Variants in OPCML observed in about 807,000 individuals in gnomAD.
OPCML encodes the protein opioid binding protein/cell adhesion molecule like.
A neutral mutation model predicts 37.8 loss-of-function variants in OPCML; 13 were observed. The observed-to-expected ratio is 0.34, with a 90% confidence interval of 0.22 to 0.55. The LOEUF (loss-of-function observed/expected upper bound fraction) is 0.55, where lower values mean the gene tolerates loss of function less well. Among genes scored for constraint, OPCML ranks in the 20% least tolerant of loss-of-function variants. The pLI, the probability that OPCML is intolerant of heterozygous loss-of-function variation, is 0.91. For missense variants in OPCML, 341 were observed against 435.6 expected (o/e 0.78, Z 1.93); for synonymous variants, 176 against 168.8 (o/e 1.04, Z -0.33).
intron 2 of OPCML, among the ~76,000 whole-genome samples, chr11:132,789,833 C>G (rs1235847073): frequency 6.6e-6 from 1 of 152,136 alleles, no homozygotes; most frequent in Admixed American, 6.5e-5. Context: ...GCTGAGTGTT[C>G]ATAGAGCTGA....
intron 1 of OPCML, among the ~76,000 whole-genome samples, chr11:133,040,350 A>G (rs150498053): frequency 1.5e-3 from 222 of 152,234 alleles, no homozygotes; most frequent in African/African-American, 5.1e-3. Context: ...TCATCTCCCT[A>G]AAACTCTGCT....
At chr11:132,720,273 A>G (rs1405213538) in intron 2 of OPCML, among the ~76,000 whole-genome samples, 1 of 152,220 alleles carries the variant, frequency 6.6e-6, no homozygotes, top group African/African-American at 2.4e-5. Context: ...TCTGTACCCC[A>G]GGAGCTAGCC....
At chr11:133,242,396 C>T (rs765131063) in intron 1 of OPCML, among the ~76,000 whole-genome samples, 1 of 152,202 alleles carries the variant, frequency 6.6e-6, no homozygotes, top group African/African-American at 2.4e-5. Flanking sequence ...CACAGCACCT[C>T]AGACGGTGTG....
intron 2 of OPCML, among the ~76,000 whole-genome samples, chr11:132,852,937 C>G (rs1186939504): frequency 6.6e-6 from 1 of 151,080 alleles, no homozygotes; most frequent in Non-Finnish European, 1.5e-5. Flanking sequence ...ATTTGACAGA[C>G]ACCTTATGTA....
chr11:133,223,878 G>C (rs945832781), intron 1 of OPCML, among the ~76,000 whole-genome samples: 147 of 152,310 alleles, frequency 9.7e-4, no homozygotes, highest in African/African-American at 3.1e-3. Context: ...CCTGTCATTA[G>C]CATCTGAGTG....
At chr11:133,239,575 C>T (rs1308473241) in intron 1 of OPCML, among the ~76,000 whole-genome samples, 3 of 152,240 alleles carry the variant, frequency 2.0e-5, no homozygotes, top group Non-Finnish European at 4.4e-5. Context: ...TTAGGGCAGC[C>T]TCTGCAGCAG....
chr11:133,446,267 G>C (rs1946472299), intron 1 of OPCML, among the ~76,000 whole-genome samples: 1 of 152,098 alleles, frequency 6.6e-6, no homozygotes. Context: ...AATGGATACA[G>C]GTGATATCCT....
intron 7 of OPCML, among the ~76,000 whole-genome samples, chr11:132,425,568 A>G (rs567625685): frequency 6.6e-6 from 1 of 152,264 alleles, no homozygotes; most frequent in African/African-American, 2.4e-5. Context: ...CATCAAGTAC[A>G]GAGTAAAGGA....
chr11:132,428,592 C>T (rs1322822552), intron 7 of OPCML, among the ~76,000 whole-genome samples: 1 of 152,146 alleles, frequency 6.6e-6, no homozygotes, highest in African/African-American at 2.4e-5. Flanking sequence ...CACAAGCCTG[C>T]CTCTGAGACC....
At chr11:132,526,687 GA>G (rs2096309374) in intron 4 of OPCML, among the ~76,000 whole-genome samples, 1 of 151,944 alleles carries the variant, frequency 6.6e-6, no homozygotes, top group Non-Finnish European at 1.5e-5. Context: ...TCCAAATTAA[GA>G]AAAAAATTCA....
intron 1 of OPCML, among the ~76,000 whole-genome samples, chr11:133,041,587 G>C (rs1184595348): frequency 6.6e-6 from 1 of 152,160 alleles, no homozygotes; most frequent in Non-Finnish European, 1.5e-5. Context: ...TCTGGCAACT[G>C]CGTCGCATAT....
chr11:133,064,856 T>C (rs1011574693), intron 1 of OPCML: 4 of 151,882 alleles, frequency 2.6e-5, no homozygotes, highest in East Asian at 2.0e-4. Flanking sequence ...CATTGAACAA[T>C]ACAAAGGTCC....
At chr11:133,264,758 C>A (rs1941210) in intron 1 of OPCML, among the ~76,000 whole-genome samples, 2 of 151,278 alleles carry the variant, frequency 1.3e-5, no homozygotes, top group Non-Finnish European at 3.0e-5. Context: ...ATACACACAG[C>A]GGTTTTTAAT....
At chr11:133,329,709 A>G (rs1943571778) in intron 1 of OPCML, among the ~76,000 whole-genome samples, 1 of 152,224 alleles carries the variant, frequency 6.6e-6, no homozygotes. Context: ...AAAGACTTAA[A>G]TGTTAGACCT....
intron 2 of OPCML, among the ~76,000 whole-genome samples, chr11:132,755,834 C>T (rs2136081901): frequency 6.6e-6 from 1 of 152,302 alleles, no homozygotes; most frequent in African/African-American, 2.4e-5. Context: ...CAGTTTTCTA[C>T]ACATCTCCAG....
chr11:132,524,977 AG>A (rs1190407610), intron 4 of OPCML, among the ~76,000 whole-genome samples: 1 of 152,208 alleles, frequency 6.6e-6, no homozygotes, highest in East Asian at 1.9e-4. Context: ...ACATGGGCAG[AG>A]GCTACCCAGA....
At chr11:133,343,616 C>A (rs906956872) in intron 1 of OPCML, among the ~76,000 whole-genome samples, 1 of 152,162 alleles carries the variant, frequency 6.6e-6, no homozygotes, top group Non-Finnish European at 1.5e-5. Context: ...TTATTTACTT[C>A]AACACAATGA....
intron 2 of OPCML, among the ~76,000 whole-genome samples, chr11:132,889,812 G>A (rs1943575245): frequency 6.6e-6 from 1 of 152,220 alleles, no homozygotes; most frequent in South Asian, 2.1e-4. Flanking sequence ...CTAACACAGT[G>A]CTGGCATATA....
chr11:132,774,243 T>G (rs957961794), intron 2 of OPCML, among the ~76,000 whole-genome samples: 2 of 152,216 alleles, frequency 1.3e-5, no homozygotes, highest in Non-Finnish European at 2.9e-5. Context: ...CGCAGCCTGG[T>G]CTACCCTGCC....
Sources: allele counts gnomAD v4.1 joint callset (sites outside exome capture counted in the v4.1 genomes callset), GRCh38; gene constraint gnomAD v4.1.1; transcripts MANE v1.5; gene names NCBI Gene and HGNC (gene_info 2026-07-23, HGNC 2026-07-21).